Variants in MACROD2 observed in about 807,000 individuals in gnomAD.
MACROD2 encodes the protein mono-ADP ribosylhydrolase 2, also known as ADP-ribose glycohydrolase MACROD2.
MACROD2 carries 36 observed loss-of-function variants against 70.4 expected under a neutral mutation model. That is an observed-to-expected ratio of 0.51 (90% confidence interval 0.39 to 0.68). The LOEUF (loss-of-function observed/expected upper bound fraction) is 0.68. Among genes scored for constraint, MACROD2 ranks in the 30% least tolerant of loss-of-function variants. The probability of loss-of-function intolerance (pLI) is 0.00; values close to 1 mark genes in which losing one functional copy is unlikely to be tolerated. For synonymous variants in MACROD2, 172 were observed against 178.8 expected, an observed-to-expected ratio of 0.96 and a Z score of 0.30; for missense variants, 496 against 538.4, an observed-to-expected ratio of 0.92 and a Z score of 0.78.
At chr20:14,762,325 G>A (rs557925766) in intron 5 of MACROD2, among the ~76,000 whole-genome samples, 2 of 152,084 alleles carry the variant, frequency 1.3e-5, no homozygotes, top group Non-Finnish European at 2.9e-5. Flanking sequence ...ACTCAGGAGT[G>A]GGGTCATGGT....
intron 5 of MACROD2, among the ~76,000 whole-genome samples, chr20:14,773,460 A>T (rs539085356): frequency 6.6e-6 from 1 of 152,032 alleles, no homozygotes; most frequent in Non-Finnish European, 1.5e-5. Context: ...ATATAAATGA[A>T]ATCATATATT....
At chr20:15,078,900 C>T (rs766181168) in intron 5 of MACROD2, among the ~76,000 whole-genome samples, 87 of 152,104 alleles carry the variant, frequency 5.7e-4, no homozygotes, top group Non-Finnish European at 5.1e-4. Context: ...CCTGGCTTAG[C>T]CTCCCAAAAT....
intron 4 of MACROD2, among the ~76,000 whole-genome samples, chr20:14,559,403 A>G (rs931068231): frequency 1.3e-4 from 20 of 151,760 alleles, no homozygotes; most frequent in Non-Finnish European, 2.7e-4. Flanking sequence ...TTTTAATCAT[A>G]TCTGCTAGAA....
chr20:14,258,996 G>A (rs2082080187), intron 3 of MACROD2, among the ~76,000 whole-genome samples: 1 of 152,154 alleles, frequency 6.6e-6, no homozygotes, highest in Non-Finnish European at 1.5e-5. Context: ...AGGCTGGAGT[G>A]CAGTAGCATG....
chr20:15,852,570 A>T (rs981104634), intron 8 of MACROD2, among the ~76,000 whole-genome samples: 1 of 152,210 alleles, frequency 6.6e-6, no homozygotes, highest in African/African-American at 2.4e-5. Context: ...GAACATGGCT[A>T]ATACTTTCAC....
At chr20:15,957,172 A>G (rs1010894674) in intron 12 of MACROD2, among the ~76,000 whole-genome samples, 2 of 152,138 alleles carry the variant, frequency 1.3e-5, no homozygotes, top group African/African-American at 2.4e-5. Flanking sequence ...GGTAGAAAGG[A>G]GGAAAATGGT....
chr20:15,292,797 T>C (rs2077552543), intron 6 of MACROD2, among the ~76,000 whole-genome samples: 2 of 152,180 alleles, frequency 1.3e-5, no homozygotes, highest in South Asian at 2.1e-4. Flanking sequence ...ATAATGACTG[T>C]TTTTTCTTGG....
chr20:14,880,847 C>A (rs1008790824), intron 5 of MACROD2, among the ~76,000 whole-genome samples: 7 of 152,164 alleles, frequency 4.6e-5, no homozygotes, highest in African/African-American at 1.7e-4. Context: ...ACTCCCTCCA[C>A]AAAGGGGATG....
intron 8 of MACROD2, among the ~76,000 whole-genome samples, chr20:15,645,704 TCTTA>T (rs2049531100): frequency 6.6e-6 from 1 of 152,194 alleles, no homozygotes; most frequent in African/African-American, 2.4e-5. Flanking sequence ...AAAAAGATAC[TCTTA>T]CTTATAGTAA....
intron 3 of MACROD2, among the ~76,000 whole-genome samples, chr20:14,366,142 G>C (rs1167479161): frequency 1.3e-5 from 2 of 152,058 alleles, no homozygotes; most frequent in East Asian, 3.8e-4. Flanking sequence ...TCCAAGGCCT[G>C]TATTTCCTTA....
intron 3 of MACROD2, among the ~76,000 whole-genome samples, chr20:14,197,627 TGTG>T (rs1569202065): frequency 6.6e-6 from 1 of 151,788 alleles, no homozygotes; most frequent in Non-Finnish European, 1.5e-5. Flanking sequence ...ATTAGCCGGG[TGTG>T]GTGGTGGGCG....
intron 8 of MACROD2, among the ~76,000 whole-genome samples, chr20:15,694,810 A>G (rs1197007224): frequency 6.6e-6 from 1 of 152,048 alleles, no homozygotes; most frequent in African/African-American, 2.4e-5. Context: ...TGTCTAGAAG[A>G]GTTTTTCCAA....
Position 14,883,259 on chromosome 20 carries a change from C to T in MACROD2, c.418+198300C>T, listed in dbSNP as rs2073631524. Among the ~76,000 whole-genome samples, 3 of 152,094 alleles carry T rather than the reference C, an allele frequency of 2.0e-5. 1 individual carries two copies. Among genetic ancestry groups the T allele is most frequent in the Admixed American group, 1.3e-4 (2 of 15,264 alleles). On this transcript the variant is annotated intron_variant, in intron 5 of 17. Coordinates refer to ENST00000684519, the MANE Select transcript of MACROD2 (RefSeq NM_001351661.2). ...GATTCTAAGTTAGATTCATGAAAAA[C>T]CAAGAGACATATCTAACCTTTCTTA...
chr20:14,042,806 A>G (rs2053411669), intron 2 of MACROD2, among the ~76,000 whole-genome samples: 1 of 152,048 alleles, frequency 6.6e-6, no homozygotes, highest in Non-Finnish European at 1.5e-5. Context: ...GGCTCCTCCA[A>G]TTCAGTTCTC....
intron 5 of MACROD2, among the ~76,000 whole-genome samples, chr20:14,795,246 T>C (rs1161416915): frequency 6.6e-6 from 1 of 152,102 alleles, no homozygotes; most frequent in Non-Finnish European, 1.5e-5. Flanking sequence ...TGATTTATAG[T>C]TTTAAAAGTC....
intron 8 of MACROD2, among the ~76,000 whole-genome samples, chr20:15,510,541 C>T (rs2047485295): frequency 6.6e-6 from 1 of 152,190 alleles, no homozygotes; most frequent in Non-Finnish European, 1.5e-5. Flanking sequence ...AGCCAGGCTG[C>T]TGTTTCCGAT....
chr20:15,642,452 T>C (rs182127361), intron 8 of MACROD2, among the ~76,000 whole-genome samples: 13 of 152,206 alleles, frequency 8.5e-5, no homozygotes, highest in Admixed American at 6.5e-4. Flanking sequence ...AATGGTACAC[T>C]ATCAATTACC....
intron 3 of MACROD2, among the ~76,000 whole-genome samples, chr20:14,118,643 C>G (rs900817606): frequency 6.6e-6 from 1 of 152,254 alleles, no homozygotes; most frequent in Middle Eastern, 3.4e-3. Context: ...AGACAACTTA[C>G]ACAGACTTTT....
At chr20:15,193,441 GAGAC>G (rs1226081309) in intron 5 of MACROD2, among the ~76,000 whole-genome samples, 3 of 152,022 alleles carry the variant, frequency 2.0e-5, no homozygotes, top group Admixed American at 6.6e-5. Flanking sequence ...CCAGGAGTTT[GAGAC>G]TAGCCTGGGC....
Sources: allele counts gnomAD v4.1 joint callset (sites outside exome capture counted in the v4.1 genomes callset), GRCh38; gene constraint gnomAD v4.1.1; transcripts MANE v1.5; gene names NCBI Gene and HGNC (gene_info 2026-07-23, HGNC 2026-07-21).